Variants in TEK observed in about 807,000 individuals in gnomAD.
The protein encoded by TEK is angiopoietin-1 receptor.
TEK carries 43 observed loss-of-function variants against 131.8 expected under a neutral mutation model. That is an observed-to-expected ratio of 0.33 (90% CI 0.26 to 0.42). The LOEUF (loss-of-function observed/expected upper bound fraction) is 0.42. Ranked by LOEUF, TEK falls within the 10% of genes least tolerant of loss-of-function variation. The pLI is 1.00. For synonymous variants in TEK, 580 were observed against 491.6 expected (o/e 1.18, Z -2.38); for missense variants, 1,162 against 1,384.4 (o/e 0.84, Z 2.55).
chr9:27,179,623 A>G (rs1481868513), intron 6 of TEK, among the ~76,000 whole-genome samples: 1 of 152,172 alleles, frequency 6.6e-6, no homozygotes, highest in Admixed American at 6.5e-5. Flanking sequence ...TCAAACCTCA[A>G]ACTCTCACTG....
intron 21 of TEK, among the ~76,000 whole-genome samples, chr9:27,227,118 G>A (rs1826366615): frequency 6.6e-6 from 1 of 152,104 alleles, no homozygotes; most frequent in South Asian, 2.1e-4. Context: ...AGCTGTTCTG[G>A]GATCTGTGAC....
At chr9:27,211,283 A>T (rs941769569) in intron 16 of TEK, among the ~76,000 whole-genome samples, 4 of 149,540 alleles carry the variant, frequency 2.7e-5, no homozygotes, top group Admixed American at 6.7e-5. Context: ...TAATAAATAC[A>T]TATTTAAATT....
In TEK at chr9:27,172,754, A is replaced by G. The variant is rs1415207600; in HGVS notation, c.760+7A>G. ...GGAAGGACGTGTGAGAAGGGTAAGTAAAGAGACTTGATAAGTAAGCTGTGG... is the reference window on the plus strand; with the variant it reads ...GGAAGGACGTGTGAGAAGGGTAAGTGAAGAGACTTGATAAGTAAGCTGTGG... On this transcript the variant is annotated splice_region_variant and intron_variant, in intron 5 of 22. Transcript: ENST00000380036. The G allele has an allele frequency of 1.2e-6, 2 of 1,613,294 alleles. No individual in the cohort carries two copies. The highest frequency in any genetic ancestry group is 1.7e-6 in the Non-Finnish European group (2 of 1,179,462).
intron 2 of TEK, among the ~76,000 whole-genome samples, chr9:27,161,359 A>G (rs1823541704): frequency 2.0e-5 from 3 of 152,246 alleles, no homozygotes. Flanking sequence ...CATCTGTGAA[A>G]TGGGTATAAT....
chr9:27,135,201 G>C (rs1483029960), intron 1 of TEK, among the ~76,000 whole-genome samples: 1 of 146,834 alleles, frequency 6.8e-6, no homozygotes, highest in Non-Finnish European at 1.5e-5. Context: ...TCCAGCCTTG[G>C]TGACAGAGTG....
At chr9:27,188,863 C>T (rs1053215204) in intron 9 of TEK, among the ~76,000 whole-genome samples, 11 of 152,012 alleles carry the variant, frequency 7.2e-5, no homozygotes, top group Admixed American at 3.3e-4. Context: ...GTACAGTTCA[C>T]GAAAATGCTG....
At chr9:27,201,982 G>C (rs976344761) in intron 12 of TEK, among the ~76,000 whole-genome samples, 35 of 152,332 alleles carry the variant, frequency 2.3e-4, no homozygotes, top group African/African-American at 8.4e-4. Context: ...GTAAGGTACA[G>C]TTACTATTAA....
chr9:27,174,552 TCA>T (rs1824092193), intron 6 of TEK, among the ~76,000 whole-genome samples: 1 of 152,246 alleles, frequency 6.6e-6, no homozygotes, highest in Non-Finnish European at 1.5e-5. Flanking sequence ...CTTTGAAATT[TCA>T]GTTTGGACTA....
At chr9:27,177,867 C>G (rs190379941) in intron 6 of TEK, among the ~76,000 whole-genome samples, 3 of 152,298 alleles carry the variant, frequency 2.0e-5, no homozygotes, top group East Asian at 1.9e-4. Context: ...ATATTAACCT[C>G]TTATCAGGTG....
At chr9:27,124,763 C>G (rs1821926773) in intron 1 of TEK, among the ~76,000 whole-genome samples, 1 of 152,184 alleles carries the variant, frequency 6.6e-6, no homozygotes. Context: ...TCAGGTAGTT[C>G]TTATAAACCA....
At position 27,197,320 on chromosome 9, in the gene TEK, C is replaced by T. The variant is rs963330863; in HGVS notation, c.1630C>T (p.Pro544Ser). 6.2e-7 allele frequency: 1 copy of T among 1,613,938 alleles called. No homozygotes were observed. Among genetic ancestry groups the T allele is most frequent in the Admixed American group, 1.7e-5 (1 of 59,996 alleles). The change falls in exon 12 of 23, where the codon CCT becomes TCT. Residue 544 changes from proline to serine, a missense_variant. Transcript: ENST00000380036. ...ATTTTTCTGGATTCTCCTAGGACTCCCTCCTCCAAGAGGTCTAAATCTCCT... is the reference window on the plus strand; with the variant it reads ...ATTTTTCTGGATTCTCCTAGGACTCTCTCCTCCAAGAGGTCTAAATCTCCT... Reference protein sequence around the residue: ...RRFTTASIGLPPPRGLNLLPK... With the variant: ...RRFTTASIGLSPPRGLNLLPK...
chr9:27,208,688 A>G (rs1043257369), intron 15 of TEK, among the ~76,000 whole-genome samples: 9 of 152,220 alleles, frequency 5.9e-5, no homozygotes, highest in Non-Finnish European at 1.3e-4. Flanking sequence ...TTGTCTCTGG[A>G]TGGTAGATTT....
chr9:27,184,494 T>G (rs957838135), intron 8 of TEK, among the ~76,000 whole-genome samples: 5 of 152,190 alleles, frequency 3.3e-5, no homozygotes, highest in African/African-American at 1.2e-4. Context: ...ATATGTAGAA[T>G]GTACCATTAC....
intron 22 of TEK, among the ~76,000 whole-genome samples, 178 bp from the exon 23 acceptor site, chr9:27,228,980 T>C (rs1310502918): frequency 6.6e-6 from 1 of 152,162 alleles, no homozygotes; most frequent in African/African-American, 2.4e-5. Flanking sequence ...CGCAAGGGGA[T>C]GCATTTTAGG....
chr9:27,163,005 C>T (rs1352214177), intron 2 of TEK, among the ~76,000 whole-genome samples: 3 of 152,178 alleles, frequency 2.0e-5, no homozygotes, highest in South Asian at 2.1e-4. Flanking sequence ...TGAGCCAGTG[C>T]GCCCAGCCAC....
At chr9:27,164,240 A>T (rs1823645505) in intron 2 of TEK, among the ~76,000 whole-genome samples, 1 of 152,044 alleles carries the variant, frequency 6.6e-6, no homozygotes, top group Non-Finnish European at 1.5e-5. Context: ...TCTCATAGGG[A>T]TATTATAAAA....
At chr9:27,121,452 ATTT>A (rs920886668) in intron 1 of TEK, among the ~76,000 whole-genome samples, 2 of 149,566 alleles carry the variant, frequency 1.3e-5, no homozygotes, top group South Asian at 4.2e-4. Context: ...TCATAAATAA[ATTT>A]TTTTTTTATT....
chr9:27,157,766 C>T lies in TEK; in HGVS notation c.53-65C>T, dbSNP rs1246938648. On this transcript the variant is annotated intron_variant, in intron 1 of 22. Coordinates refer to ENST00000380036, the MANE Select transcript of TEK (RefSeq NM_000459.5). ...CTTTAAGACAAGGCTTTGTGAGCAC[C>T]AGTTTACCCAATGGGGTCATGTTAA... The T allele has an allele frequency of 1.1e-5, 17 of 1,548,130 alleles. No homozygotes were observed. In the East Asian group the frequency reaches 3.4e-4, roughly 31 times the overall value.
At chr9:27,214,821 A>T (rs1455830502) in intron 18 of TEK, among the ~76,000 whole-genome samples, 2 of 152,120 alleles carry the variant, frequency 1.3e-5, no homozygotes, top group Non-Finnish European at 2.9e-5. Context: ...CAACACTTTC[A>T]GAAGCCATGT....
Sources: gnomAD v4.1 joint callset for allele counts (sites outside exome capture counted in the v4.1 genomes callset) on GRCh38, gnomAD v4.1.1 for gene constraint, MANE v1.5 for transcripts, NCBI Gene and HGNC (gene_info 2026-07-23, HGNC 2026-07-21) for gene names.